The following TAFA1 variants were observed in gnomAD, a reference collection of about 807,000 sequenced individuals.
TAFA1 encodes the protein chemokine-like protein TAFA-1.
In TAFA1, 4 loss-of-function variants were observed where a neutral mutation model predicts 18.5. That is an observed-to-expected ratio of 0.22 (90% confidence interval 0.11 to 0.49). The LOEUF is 0.49. TAFA1 is among the 20% of genes least tolerant of loss of function. The pLI is 0.98. For missense variants in TAFA1, 147 were observed against 169.0 expected (o/e 0.87, Z 0.72); for synonymous variants, 56 against 55.2 (o/e 1.01, Z -0.06).
chr3:68,255,720 T>C (rs1027968475), intron 2 of TAFA1, among the ~76,000 whole-genome samples: 3 of 152,066 alleles, frequency 2.0e-5, no homozygotes, highest in Non-Finnish European at 4.4e-5. Flanking sequence ...GATTTATTTT[T>C]TAAGGGACCC....
At chr3:68,209,514 G>A (rs750471024) in intron 2 of TAFA1, among the ~76,000 whole-genome samples, 4 of 152,014 alleles carry the variant, frequency 2.6e-5, no homozygotes, top group East Asian at 3.9e-4. Context: ...GTAGCATATC[G>A]TATTATCATT....
At chr3:68,037,158 A>G (rs1467544802) in intron 2 of TAFA1, among the ~76,000 whole-genome samples, 3 of 152,154 alleles carry the variant, frequency 2.0e-5, no homozygotes, top group Non-Finnish European at 4.4e-5. Context: ...TTCCAGGCAG[A>G]GAAGGGTAGG....
At chr3:68,459,261 C>T (rs2071728777) in intron 3 of TAFA1, among the ~76,000 whole-genome samples, 1 of 152,258 alleles carries the variant, frequency 6.6e-6, no homozygotes, top group South Asian at 2.1e-4. Context: ...CACCCCACAA[C>T]ATCCATTACA....
intron 2 of TAFA1, among the ~76,000 whole-genome samples, chr3:68,166,741 A>C (rs2065985857): frequency 6.6e-6 from 1 of 152,118 alleles, no homozygotes; most frequent in South Asian, 2.1e-4. Flanking sequence ...GTGCCAATTT[A>C]ATCATCAGAG....
rs892393244 is a variant in TAFA1 at position 68,035,265 on chromosome 3, T to G, written c.118+28521T>G. 7.9e-5 allele frequency among the ~76,000 whole-genome samples: 12 copies of G among 152,208 alleles called. 1 individual carries two copies. The highest frequency in any genetic ancestry group is 5.9e-4 in the Admixed American group (9 of 15,278). ...GACTGCTGTTTCTCACACGCAATGT[T>G]GAGGCATCTCTCACTCAGCACAAAC... On this transcript the variant is annotated intron_variant, in intron 2 of 4. Coordinates refer to ENST00000478136, the MANE Select transcript of TAFA1 (RefSeq NM_213609.4).
chr3:68,524,517 GAAAAT>G (rs1424917136), intron 3 of TAFA1, among the ~76,000 whole-genome samples: 7 of 152,044 alleles, frequency 4.6e-5, no homozygotes, highest in African/African-American at 1.7e-4. Flanking sequence ...AGTACATTTA[GAAAAT>G]AAAATCAAAA....
chr3:68,120,173 CTTTCTTTCTTTCTTTCTT>C (rs2065374316), intron 2 of TAFA1, among the ~76,000 whole-genome samples: 1 of 16,438 alleles, frequency 6.1e-5, no homozygotes, highest in Non-Finnish European at 1.6e-4. Flanking sequence ...CTTTCTTTCT[CTTTCTTTCTTTCTTTCTT>C]TCTTTCTTTC....
At chr3:68,112,485 A>C in intron 2 of TAFA1, among the ~76,000 whole-genome samples, 1 of 152,322 alleles carries the variant, frequency 6.6e-6, no homozygotes, top group Middle Eastern at 3.4e-3. Context: ...TCTTTAATCT[A>C]ATACATTATA....
intron 3 of TAFA1, among the ~76,000 whole-genome samples, chr3:68,443,793 A>G (rs138917366): frequency 1.3e-5 from 2 of 152,292 alleles, no homozygotes; most frequent in African/African-American, 4.8e-5. Context: ...GCCAAACCAT[A>G]TCAGGGTCTA....
intron 2 of TAFA1, among the ~76,000 whole-genome samples, chr3:68,311,860 G>C (rs2106680100): frequency 6.6e-6 from 1 of 152,248 alleles, no homozygotes; most frequent in Non-Finnish European, 1.5e-5. Context: ...GTGTGGAGCT[G>C]TGACCCTACA....
rs2067088442 is a variant in TAFA1, at chr3:68,246,693, C to G, written c.119-170587C>G. On this transcript the variant is annotated intron_variant, in intron 2 of 4. Coordinates refer to ENST00000478136, the MANE Select transcript of TAFA1 (RefSeq NM_213609.4). ...ATAATGAGACGATACAGTGAAAGAA[C>G]TCTCCAAATGACAAAGCACTATCTC... 2.7e-5 allele frequency: 4 copies of G among 146,178 alleles called. No homozygotes were observed. The South Asian group carries it at 6.9e-4, about 25-fold the overall frequency. 9.1% of individuals were successfully genotyped at this position (146,178 alleles called of 1,614,324 possible).
intron 2 of TAFA1, among the ~76,000 whole-genome samples, chr3:68,064,287 G>A (rs2064644592): frequency 6.6e-6 from 1 of 152,132 alleles, no homozygotes; most frequent in South Asian, 2.1e-4. Flanking sequence ...GACTCTCTGG[G>A]CTCTTTTAGG....
intron 2 of TAFA1, among the ~76,000 whole-genome samples, chr3:68,055,840 C>A (rs894365815): frequency 6.6e-6 from 1 of 152,078 alleles, no homozygotes; most frequent in Non-Finnish European, 1.5e-5. Flanking sequence ...TGCTTCAACA[C>A]TCTAGACAGT....
chr3:68,535,681 G>T (rs141347781), intron 3 of TAFA1, among the ~76,000 whole-genome samples: 7 of 152,064 alleles, frequency 4.6e-5, no homozygotes, highest in Admixed American at 4.6e-4. Flanking sequence ...TCCTACTGTC[G>T]ACCTAAAGGG....
chr3:68,286,918 T>G lies in TAFA1; in HGVS notation c.119-130362T>G, dbSNP rs146065720. Among the ~76,000 whole-genome samples the G allele has an allele frequency of 4.6e-3, 694 of 152,298 alleles. 2 individuals carry two copies. Among genetic ancestry groups the G allele is most frequent in the Non-Finnish European group, 8.1e-3 (552 of 68,018 alleles). ...GCCAGGCCCCCTGACATCAAGCTGT[T>G]AACAGGGCCATCCTTGGTGCTGTAC... On this transcript the variant is annotated intron_variant, in intron 2 of 4. Transcript: ENST00000478136.
At chr3:68,335,303 G>T (rs1326014537) in intron 2 of TAFA1, among the ~76,000 whole-genome samples, 1 of 152,172 alleles carries the variant, frequency 6.6e-6, no homozygotes, top group African/African-American at 2.4e-5. Flanking sequence ...TAAGCACTTT[G>T]CTTTCCAGGG....
At chr3:68,121,447 T>C (rs535909931) in intron 2 of TAFA1, among the ~76,000 whole-genome samples, 1 of 152,298 alleles carries the variant, frequency 6.6e-6, no homozygotes, top group African/African-American at 2.4e-5. Flanking sequence ...ATCTTTCACA[T>C]ATGCAAGTTT....
intron 3 of TAFA1, among the ~76,000 whole-genome samples, chr3:68,468,330 G>C (rs150971902): frequency 6.6e-6 from 1 of 152,290 alleles, no homozygotes; most frequent in Non-Finnish European, 1.5e-5. Context: ...ATGGCATAGA[G>C]GTTGAAATAT....
At chr3:68,158,730 C>A (rs1327391105) in intron 2 of TAFA1, among the ~76,000 whole-genome samples, 1 of 151,988 alleles carries the variant, frequency 6.6e-6, no homozygotes, top group Non-Finnish European at 1.5e-5. Context: ...GGATCCTTTG[C>A]CATTTGCATA....
Sources: allele counts gnomAD v4.1 joint callset (sites outside exome capture counted in the v4.1 genomes callset), GRCh38; gene constraint gnomAD v4.1.1; transcripts MANE v1.5; gene names NCBI Gene and HGNC (gene_info 2026-07-23, HGNC 2026-07-21).